The following PRAC2 variants were observed in gnomAD, a reference collection of about 807,000 sequenced individuals.
PRAC2 encodes the protein protein PRAC2.
For synonymous variants in PRAC2, 43 were observed against 49.5 expected, an observed-to-expected ratio of 0.87 and a Z score of 0.55; for missense variants, 92 against 114.5, an observed-to-expected ratio of 0.80 and a Z score of 0.90.
chr17:48,721,321 A>AATTATT (rs933133014), upstream of PRAC2, among the ~76,000 whole-genome samples: 3 of 151,724 alleles, frequency 2.0e-5, no homozygotes, highest in Non-Finnish European at 2.9e-5. Context: ...AAAAAGGTGC[A>AATTATT]ATTATTATTA....
chr17:48,719,194 C>A (rs532608482), upstream of PRAC2, among the ~76,000 whole-genome samples: 1 of 143,822 alleles, frequency 7.0e-6, no homozygotes, highest in Non-Finnish European at 1.5e-5. Flanking sequence ...TAAACACACT[C>A]GCACGCGCTC....
At chr17:48,721,722 C>T (rs1220520343), upstream of PRAC2, 8 of 1,307,770 alleles carry the variant, frequency 6.1e-6, no homozygotes, top group Non-Finnish European at 7.9e-6. Context: ...CACCCAGTTT[C>T]CTTTTTTAAA....
upstream of PRAC2, chr17:48,722,357 G>A: frequency 6.2e-7 from 1 of 1,614,168 alleles, no homozygotes; most frequent in Non-Finnish European, 8.5e-7. Flanking sequence ...TAGTAAGATG[G>A]GCCGGTCCTT....
chr17:48,719,216 C>CAG (rs1045075210), upstream of PRAC2, among the ~76,000 whole-genome samples: 1 of 66,120 alleles, frequency 1.5e-5, no homozygotes, highest in African/African-American at 5.9e-5. Context: ...CACACAAACA[C>CAG]ACACACACAC....
At chr17:48,722,346 G>A (rs756273867), upstream of PRAC2, 5 of 1,614,146 alleles carry the variant, frequency 3.1e-6, no homozygotes, top group Non-Finnish European at 4.2e-6. Context: ...ACTCTTGGAG[G>A]TAGTAAGATG....
upstream of PRAC2, among the ~76,000 whole-genome samples, chr17:48,720,458 C>CTG (rs377208224): frequency 7.2e-5 from 11 of 152,028 alleles, no homozygotes; most frequent in Admixed American, 2.0e-4. Context: ...CCTTGCTTGT[C>CTG]TGTGTGTGTG....
rs1439259434 is a variant in PRAC2 at position 48,724,658 on chromosome 17, G to T, written c.248G>T (p.Cys83Phe). 2.2e-5 allele frequency: 27 copies of T among 1,232,084 alleles called. No individual in the cohort carries two copies. The highest frequency in any genetic ancestry group is 2.5e-5 in the Non-Finnish European group (25 of 988,002). The allele number at this position is 1,232,084 out of a possible 1,614,324, so 76.3% of individuals were successfully genotyped here. The part of the protein sequence containing the change: ...KPVAPRTMKA[C>F]PQVLLEW ...GTAGCTCCGCGGACGATGAAAGCCTGCCCGCAGGTTCTCCTGGAGTGGTGA... is the reference window on the plus strand; with the variant it reads ...GTAGCTCCGCGGACGATGAAAGCCTTCCCGCAGGTTCTCCTGGAGTGGTGA... The change falls in exon 2 of 2, where the codon TGC (cysteine) becomes TTC (phenylalanine). Residue 83 changes from cysteine to phenylalanine, a missense_variant. By Grantham distance (205) the Cys-to-Phe change is radical. Transcript: ENST00000422730.
upstream of PRAC2, chr17:48,721,963 T>G: frequency 7.0e-7 from 1 of 1,435,218 alleles, no homozygotes; most frequent in Non-Finnish European, 9.3e-7. Flanking sequence ...TTAATTTTGC[T>G]TATGCCAGGA....
chr17:48,722,363 T>C, upstream of PRAC2: 1 of 1,614,204 alleles, frequency 6.2e-7, no homozygotes. Flanking sequence ...GATGGGCCGG[T>C]CCTTGATCTG....
chr17:48,721,835 C>T, upstream of PRAC2: 1 of 1,543,148 alleles, frequency 6.5e-7, no homozygotes, highest in East Asian at 2.5e-5. Context: ...TCCCGAAATT[C>T]CAGAATTACA....
upstream of PRAC2, chr17:48,721,739 T>G (rs1216818371): frequency 3.7e-6 from 5 of 1,362,436 alleles, no homozygotes; most frequent in African/African-American, 6.0e-5. Flanking sequence ...TAAAAAAATT[T>G]TATTGTATAA....
At chr17:48,722,476 C>T, upstream of PRAC2, 24 of 1,189,920 alleles carry the variant, frequency 2.0e-5, no homozygotes, top group South Asian at 2.8e-4. Context: ...TTTCAGCCTC[C>T]CAGTGGCGCT....
rs1003273521 is a variant in PRAC2 at position 48,724,421 on chromosome 17, G to A, written c.11G>A (p.Arg4Lys). 3 of 1,234,330 alleles carry A rather than the reference G, an allele frequency of 2.4e-6. No homozygotes were observed. Among genetic ancestry groups the A allele is most frequent in the African/African-American group, 1.5e-5 (1 of 64,588 alleles). The allele number at this position is 1,234,330 out of a possible 1,614,324, so 76.5% of individuals were successfully genotyped here. ...GAAGATAAAGAAGACATGGACAGAA[G>A]GCGGATGGCTCTGCGGCCTGGCTCC... is the stretch of plus-strand genomic sequence containing the variant. The part of the protein sequence containing the change: MDR[R>K]RMALRPGSRR... The change falls in exon 2 of 2, where the codon AGG becomes AAG. Residue 4 changes from arginine to lysine, a missense_variant. Coordinates refer to ENST00000422730, the MANE Select transcript of PRAC2 (RefSeq NM_001282275.2).
In PRAC2 at chr17:48,724,478, G is replaced by A; in HGVS notation, c.68G>A (p.Arg23Lys). The A allele has an allele frequency of 1.6e-6, 2 of 1,234,216 alleles. No homozygotes were observed. The highest frequency in any genetic ancestry group is 2.0e-6 in the Non-Finnish European group (2 of 988,154). 76.5% of individuals were successfully genotyped at this position (1,234,216 alleles called of 1,614,324 possible). A position where few individuals can be genotyped will look rare whatever the true frequency, so the allele number is the denominator to read the frequency against. ...CCGACCGCCTTCTTCTTCCATTCGA[G>A]ATGGCTCGTACCGAACCTCCTTGCC... The part of the protein sequence containing the change: ...RRPTAFFFHS[R>K]WLVPNLLAFF... Residue 23 changes from arginine to lysine, a missense_variant, in exon 2 of 2, where the codon AGA becomes AAA. Arg to Lys is a conservative substitution (Grantham distance 26). Coordinates refer to ENST00000422730, the MANE Select transcript of PRAC2 (RefSeq NM_001282275.2).
chr17:48,719,983 C>T (rs1352921031), upstream of PRAC2, among the ~76,000 whole-genome samples: 1 of 152,116 alleles, frequency 6.6e-6, no homozygotes, highest in Non-Finnish European at 1.5e-5. Context: ...CAAAAACCTG[C>T]CTGGAATGGG....
upstream of PRAC2, chr17:48,721,996 A>G: frequency 7.7e-7 from 1 of 1,297,838 alleles, no homozygotes; most frequent in Non-Finnish European, 1.0e-6. Context: ...GGAGACAAAC[A>G]TTAAGTCTTA....
In PRAC2 at chr17:48,724,710, T is replaced by G; in HGVS notation, c.*27T>G. On this transcript the variant is annotated 3_prime_UTR_variant, in exon 2 of 2. Transcript: ENST00000422730. ...CCTCTGTCGGAAGGGGGCGCCCACGTCTTTTTAATGGTCCTAACACACCAG... is the reference window on the plus strand; with the variant it reads ...CCTCTGTCGGAAGGGGGCGCCCACGGCTTTTTAATGGTCCTAACACACCAG... The G allele has an allele frequency of 8.5e-7, 1 of 1,172,542 alleles. No individual in the cohort carries two copies. Among genetic ancestry groups the G allele is most frequent in the Non-Finnish European group, 1.1e-6 (1 of 933,772 alleles). 72.6% of individuals were successfully genotyped at this position (1,172,542 alleles called of 1,614,324 possible). A position where few individuals can be genotyped will look rare whatever the true frequency, so the allele number is the denominator to read the frequency against.
At chr17:48,722,461 A>C (rs2038156547), upstream of PRAC2, 2 of 1,404,786 alleles carry the variant, frequency 1.4e-6, no homozygotes, top group South Asian at 2.3e-5. Context: ...GCATCGGCCT[A>C]AAGGTTTCAG....
upstream of PRAC2, chr17:48,722,223 C>T: frequency 9.2e-7 from 1 of 1,086,592 alleles, no homozygotes. Context: ...CTGAAGGCTC[C>T]CAAATTCCTG....
Sources: allele counts gnomAD v4.1 joint callset (sites outside exome capture counted in the v4.1 genomes callset), GRCh38; gene constraint gnomAD v4.1.1; transcripts MANE v1.5; gene names NCBI Gene and HGNC (gene_info 2026-07-23, HGNC 2026-07-21).